POLDIP3: variants seen among roughly 807,000 people sequenced by gnomAD.
POLDIP3 encodes polymerase delta-interacting protein 3.
In POLDIP3, 14 loss-of-function variants were observed where a neutral mutation model predicts 45.1. The observed-to-expected ratio is 0.31, with a 90% CI of 0.20 to 0.49. POLDIP3 has a LOEUF of 0.49. Ranked by LOEUF, POLDIP3 falls within the 20% of genes least tolerant of loss-of-function variation. The pLI, the probability that POLDIP3 is intolerant of heterozygous loss-of-function variation, is 0.99. For synonymous variants in POLDIP3, 223 were observed against 205.2 expected (o/e 1.09, Z -0.74); for missense variants, 511 against 538.8 (o/e 0.95, Z 0.51).
chr22:42,614,173 T>G (rs1927309400), intron 1 of POLDIP3, among the ~76,000 whole-genome samples: 1 of 152,116 alleles, frequency 6.6e-6, no homozygotes, highest in South Asian at 2.1e-4. Context: ...CTCTACCACT[T>G]CCAGCCTCAA....
At chr22:42,595,475 T>TA (rs749897032) in intron 6 of POLDIP3, 62 bp downstream of exon 6, 256 of 1,488,542 alleles carry the variant, frequency 1.7e-4, no homozygotes, top group Non-Finnish European at 2.3e-4. Context: ...GGGTGGGTCT[T>TA]AAGAGACCTT....
At chr22:42,599,495 T>C (rs754632635) in intron 4 of POLDIP3, among the ~76,000 whole-genome samples, 2 of 152,126 alleles carry the variant, frequency 1.3e-5, no homozygotes, top group African/African-American at 2.4e-5. Flanking sequence ...TCCCAGCTAC[T>C]AGGGAGGCTG....
intron 1 of POLDIP3, among the ~76,000 whole-genome samples, chr22:42,607,154 G>C (rs1187112221): frequency 6.6e-6 from 1 of 152,106 alleles, no homozygotes; most frequent in Non-Finnish European, 1.5e-5. Flanking sequence ...GTTTCCCTCT[G>C]ATGCCGAGCC....
At position 42,599,759 on chromosome 22, in the gene POLDIP3, A is replaced by G. The variant is rs979695380; in HGVS notation, c.572T>C (p.Ile191Thr). The change falls in exon 4 of 9, where the codon ATA becomes ACA. Residue 191 changes from isoleucine to threonine, a missense_variant. Physicochemically the swap from Ile to Thr is moderately conservative, Grantham distance 89. This residue lies in a region of POLDIP3 where 378 missense variants were observed against 352.3 expected (regional missense o/e 1.07). Transcript: ENST00000252115. The part of the protein sequence containing the change: ...LYDLDEDDDG[I>T]ASVPTKQMKF... ...CATCTGTTTAGTAGGAACGGAAGCT[A>G]TACCATCATCATCTTCATCCAGGTC... 5 of 1,611,886 alleles carry G rather than the reference A, an allele frequency of 3.1e-6. No individual in the cohort carries two copies. In the African/African-American group the frequency reaches 4.0e-5, roughly 13 times the overall value.
intron 1 of POLDIP3, 58 bp downstream of exon 1, chr22:42,614,741 G>A (rs1927373223): frequency 5.1e-6 from 8 of 1,573,930 alleles, no homozygotes; most frequent in Non-Finnish European, 6.1e-6. Context: ...TACCTCCCCC[G>A]CCTCGAGCTC....
intron 1 of POLDIP3, among the ~76,000 whole-genome samples, chr22:42,607,309 C>T (rs1235902658): frequency 6.6e-6 from 1 of 152,238 alleles, no homozygotes; most frequent in Admixed American, 6.5e-5. Flanking sequence ...GACGGGGTTT[C>T]GCTGTGTTGG....
At chr22:42,608,682 C>G (rs1026613197) in intron 1 of POLDIP3, among the ~76,000 whole-genome samples, 2 of 152,156 alleles carry the variant, frequency 1.3e-5, no homozygotes, top group Admixed American at 6.6e-5. Flanking sequence ...GGTGCACGCA[C>G]TGAGAACTCG....
intron 2 of POLDIP3, 128 bp from the exon 3 acceptor site, chr22:42,602,184 G>T: frequency 7.0e-7 from 1 of 1,425,428 alleles, no homozygotes; most frequent in Non-Finnish European, 9.6e-7. Flanking sequence ...ACTACAGAGG[G>T]CCTTATCCTC....
rs563448900 is a variant in POLDIP3 at position 42,614,145 on chromosome 22, G to A, written c.59+654C>T. Among the ~76,000 whole-genome samples the A allele has an allele frequency of 5.9e-5, 9 of 152,228 alleles. No homozygotes were observed. The East Asian group carries it at 1.5e-3, about 26-fold the overall frequency. On this transcript the variant is annotated intron_variant, in intron 1 of 8. Coordinates refer to ENST00000252115, the MANE Select transcript of POLDIP3 (RefSeq NM_032311.5). Reference sequence around the variant, plus strand: ...CGCTCAGCCCGCCGCTCAGTTCTCCGTGGCCTCGGGCAAGTCACTCTACCA... The same window carrying A: ...CGCTCAGCCCGCCGCTCAGTTCTCCATGGCCTCGGGCAAGTCACTCTACCA...
intron 1 of POLDIP3, among the ~76,000 whole-genome samples, chr22:42,611,501 G>A (rs2146839416): frequency 6.6e-6 from 1 of 152,236 alleles, no homozygotes; most frequent in East Asian, 1.9e-4. Flanking sequence ...TCTACTAAGA[G>A]GAAAAAAGCT....
chr22:42,602,774 A>ATGGTTT lies in POLDIP3; in HGVS notation c.440_445dup (p.Lys147_Thr148dup). 1 of 1,594,732 alleles carries ATGGTTT rather than the reference A, an allele frequency of 6.3e-7. No homozygotes were observed. The highest frequency in any genetic ancestry group is 8.6e-7 in the Non-Finnish European group (1 of 1,168,760). ...ATGACAAAAGCCACAACTCACCTGG[A>ATGGTTT]TGGTTTTGGTGAGCTTCAGAGCAGG... is the stretch of plus-strand genomic sequence containing the variant. On this transcript the variant is annotated inframe_insertion, in exon 2 of 9. Coordinates refer to ENST00000252115, the MANE Select transcript of POLDIP3 (RefSeq NM_032311.5).
chr22:42,596,542 G>A (rs1271693213), intron 4 of POLDIP3, among the ~76,000 whole-genome samples, 177 bp from the exon 5 acceptor site: 1 of 152,268 alleles, frequency 6.6e-6, no homozygotes, highest in East Asian at 1.9e-4. Flanking sequence ...CATAGGGAAG[G>A]GGCAGGGGGA....
chr22:42,589,977 C>T (rs983860074), intron 7 of POLDIP3, among the ~76,000 whole-genome samples: 3 of 150,768 alleles, frequency 2.0e-5, no homozygotes, highest in African/African-American at 7.3e-5. Flanking sequence ...CACCTAACAA[C>T]AAGAAAATAC....
chr22:42,596,121 A>G, intron 5 of POLDIP3, 65 bp downstream of exon 5: 2 of 1,534,350 alleles, frequency 1.3e-6, no homozygotes, highest in Non-Finnish European at 1.8e-6. Context: ...GGGGAACACA[A>G]TGAGGTACAT....
intron 1 of POLDIP3, among the ~76,000 whole-genome samples, chr22:42,608,107 G>T (rs1181663011): frequency 6.6e-6 from 1 of 152,252 alleles, no homozygotes; most frequent in African/African-American, 2.4e-5. Context: ...TGGCGGTTTT[G>T]TCGAATAGAA....
intron 6 of POLDIP3, among the ~76,000 whole-genome samples, chr22:42,592,615 C>T (rs180790383): frequency 6.6e-6 from 1 of 152,266 alleles, no homozygotes; most frequent in African/African-American, 2.4e-5. Context: ...TGAGTTTGAT[C>T]CCCCAGGCTC....
At chr22:42,607,743 G>A (rs546618251) in intron 1 of POLDIP3, among the ~76,000 whole-genome samples, 85 of 150,144 alleles carry the variant, frequency 5.7e-4, no homozygotes, top group African/African-American at 2.0e-3. Context: ...TGTGAGGAGC[G>A]CCTCTGCCCG....
rs1569293354 is a variant in POLDIP3, at chr22:42,585,343, C to CCATCCCCTCCATTGTTTGAAAAGCT, written c.*447_*448insAGCTTTTCAAACAATGGAGGGGATG. Reference sequence around the variant, plus strand: ...TGGCTCCCGTCAGGACACCAGGGCTCTCCATCCCCTCCATTGTTTGAAAAG... The same window carrying CCATCCCCTCCATTGTTTGAAAAGCT: ...TGGCTCCCGTCAGGACACCAGGGCTCCATCCCCTCCATTGTTTGAAAAGCTTCCATCCCCTCCATTGTTTGAAAAG... On this transcript the variant is annotated 3_prime_UTR_variant, in exon 9 of 9. Coordinates refer to ENST00000252115, the MANE Select transcript of POLDIP3 (RefSeq NM_032311.5). The CCATCCCCTCCATTGTTTGAAAAGCT allele has an allele frequency of 2.2e-6, 1 of 454,118 alleles. No individual in the cohort carries two copies. Among genetic ancestry groups the CCATCCCCTCCATTGTTTGAAAAGCT allele is most frequent in the South Asian group, 1.6e-5 (1 of 63,584 alleles). 28.1% of individuals were successfully genotyped at this position (454,118 alleles called of 1,614,324 possible).
intron 1 of POLDIP3, among the ~76,000 whole-genome samples, chr22:42,614,520 G>A (rs959876838): frequency 2.6e-5 from 4 of 152,266 alleles, no homozygotes; most frequent in Admixed American, 2.0e-4. Flanking sequence ...CCGGAACGCG[G>A]GGGCCCCAGG....
Sources: gnomAD v4.1 joint callset for allele counts (sites outside exome capture counted in the v4.1 genomes callset) on GRCh38, gnomAD v4.1.1 for gene constraint, gnomAD v4.1.1 regional missense constraint, MANE v1.5 for transcripts, NCBI Gene and HGNC (gene_info 2026-07-23, HGNC 2026-07-21) for gene names.